IGFL2: variants seen among roughly 807,000 people sequenced by gnomAD.
IGFL2 encodes the protein insulin growth factor-like family member 2.
A neutral mutation model predicts 13.9 loss-of-function variants in IGFL2; 7 were observed. That is an observed-to-expected ratio of 0.51 (90% CI 0.29 to 0.95). The LOEUF (loss-of-function observed/expected upper bound fraction) is 0.95, where lower values mean the gene tolerates loss of function less well. Ranked by LOEUF, IGFL2 falls within the 40% of genes least tolerant of loss-of-function variation. IGFL2 has a pLI of 0.08. For synonymous variants in IGFL2, 55 were observed against 55.8 expected (o/e 0.99, Z 0.07); for missense variants, 138 against 147.8 (o/e 0.93, Z 0.34).
chr19:46,160,403 T>C lies in IGFL2; in HGVS notation c.20-12T>C, dbSNP rs930696802. On this transcript the variant is annotated splice_polypyrimidine_tract_variant and intron_variant, in intron 1 of 3. Coordinates refer to ENST00000377693, the MANE Select transcript of IGFL2 (RefSeq NM_001135113.2). The stretch of plus-strand genomic sequence containing the variant: ...CCAGCCCCATCCTTAACCTCCTTTC[T>C]TTCTCTCCCAGCTCCTGCTTATGTG... The C allele has an allele frequency of 3.1e-6, 5 of 1,611,472 alleles. No individual in the cohort carries two copies. The East Asian group carries it at 8.9e-5, about 29-fold the overall frequency.
chr19:46,191,042 A>G, the IGFL2 span, among the ~76,000 whole-genome samples: 3 of 152,140 alleles, frequency 2.0e-5, no homozygotes, highest in Non-Finnish European at 4.4e-5. Flanking sequence ...ACTGGACCTC[A>G]AAGTGGGGGA....
At chr19:46,153,656 T>A (rs1239894065) in intron 1 of IGFL2, among the ~76,000 whole-genome samples, 2 of 152,018 alleles carry the variant, frequency 1.3e-5, no homozygotes, top group African/African-American at 2.4e-5. Context: ...ACAAGTTATA[T>A]AATTGCTTAT....
the IGFL2 span, among the ~76,000 whole-genome samples, chr19:46,122,853 A>G: frequency 6.6e-6 from 1 of 150,896 alleles, no homozygotes; most frequent in African/African-American, 2.5e-5. Flanking sequence ...AAGGGGAGGA[A>G]GGACTTGTTT....
the IGFL2 span, among the ~76,000 whole-genome samples, chr19:46,110,047 A>G: frequency 6.6e-6 from 1 of 152,226 alleles, no homozygotes; most frequent in East Asian, 1.9e-4. Context: ...GAGTAAGCCT[A>G]GATTGTAGCC....
the IGFL2 span, among the ~76,000 whole-genome samples, chr19:46,084,974 C>T: frequency 6.6e-6 from 1 of 152,170 alleles, no homozygotes; most frequent in African/African-American, 2.4e-5. Flanking sequence ...AGTCTCAAGT[C>T]TCATCTGGAC....
chr19:46,170,160 A>C, the IGFL2 span, among the ~76,000 whole-genome samples: 1 of 152,118 alleles, frequency 6.6e-6, no homozygotes, highest in Non-Finnish European at 1.5e-5. Context: ...AAGTGGGTGC[A>C]CCGAGAGAGA....
At chr19:46,144,264 A>G (rs1404785615), upstream of IGFL2, among the ~76,000 whole-genome samples, 5 of 152,214 alleles carry the variant, frequency 3.3e-5, no homozygotes, top group Non-Finnish European at 1.5e-5. Context: ...ATAATTTCAT[A>G]TATTTTAAAT....
At chr19:46,119,481 G>GTTTCACATCCTCCCCTTCCTA in the IGFL2 span, among the ~76,000 whole-genome samples, 3 of 151,560 alleles carry the variant, frequency 2.0e-5, no homozygotes, top group East Asian at 3.9e-4. Context: ...CTACTGACTG[G>GTTTCACATCCTCCCCTTCCTA]AGCCAGGGTA....
the IGFL2 span, among the ~76,000 whole-genome samples, chr19:46,084,543 T>C: frequency 6.6e-6 from 1 of 152,194 alleles, no homozygotes; most frequent in Non-Finnish European, 1.5e-5. Context: ...AGAGCTTTCA[T>C]TGACTCACAA....
At chr19:46,085,314 C>T in the IGFL2 span, among the ~76,000 whole-genome samples, 1 of 152,040 alleles carries the variant, frequency 6.6e-6, no homozygotes, top group Non-Finnish European at 1.5e-5. Flanking sequence ...TGACTCCAGA[C>T]TGTAGTGTTG....
the IGFL2 span, among the ~76,000 whole-genome samples, chr19:46,096,442 G>T: frequency 1.6e-4 from 24 of 152,054 alleles, no homozygotes; most frequent in African/African-American, 5.3e-4. Flanking sequence ...GGGTTTTCTA[G>T]TTATAGGATC....
chr19:46,174,397 T>G, the IGFL2 span, among the ~76,000 whole-genome samples: 1 of 152,204 alleles, frequency 6.6e-6, no homozygotes. Context: ...ATTACAATTA[T>G]GTAAGAACTC....
At chr19:46,200,337 C>T in the IGFL2 span, among the ~76,000 whole-genome samples, 58,211 of 151,166 alleles carry the variant, frequency 0.39, 12,765 homozygotes, top group Middle Eastern at 0.51. Flanking sequence ...CCGGCTAATT[C>T]TAATTTCTGT....
intron 1 of IGFL2, among the ~76,000 whole-genome samples, chr19:46,151,422 T>A (rs1406971542): frequency 6.6e-6 from 1 of 152,232 alleles, no homozygotes; most frequent in Non-Finnish European, 1.5e-5. Context: ...TAAGGGTTTA[T>A]TTTCTGACTG....
At chr19:46,166,278 G>A (rs559494952), downstream of IGFL2, among the ~76,000 whole-genome samples, 31 of 152,242 alleles carry the variant, frequency 2.0e-4, no homozygotes, top group South Asian at 2.1e-3. Flanking sequence ...AAAGCTGGGC[G>A]TCTGGGCGAG....
chr19:46,130,520 TC>T, the IGFL2 span, among the ~76,000 whole-genome samples: 1 of 152,186 alleles, frequency 6.6e-6, no homozygotes, highest in African/African-American at 2.4e-5. Context: ...TTATTGAGGT[TC>T]TTGGAAGCAC....
At chr19:46,156,952 A>AT (rs1314877059) in intron 1 of IGFL2, among the ~76,000 whole-genome samples, 2 of 152,172 alleles carry the variant, frequency 1.3e-5, no homozygotes, top group Non-Finnish European at 2.9e-5. Context: ...GAGACAGGAG[A>AT]TATAGGTTTT....
the IGFL2 span, chr19:46,136,913 C>T: frequency 1.4e-5 from 13 of 898,812 alleles, no homozygotes; most frequent in Middle Eastern, 1.9e-3. Context: ...TACACATGTC[C>T]TCTGGGCACA....
chr19:46,108,962 G>C, the IGFL2 span, among the ~76,000 whole-genome samples: 1 of 148,430 alleles, frequency 6.7e-6, no homozygotes, highest in African/African-American at 2.5e-5. Context: ...TTGGTGAGAT[G>C]TTCCTTGGGC....
Sources: gnomAD v4.1 joint callset for allele counts (sites outside exome capture counted in the v4.1 genomes callset) on GRCh38, gnomAD v4.1.1 for gene constraint, MANE v1.5 for transcripts, NCBI Gene and HGNC (gene_info 2026-07-23, HGNC 2026-07-21) for gene names.